The following ITPR1 variants were observed in gnomAD, a reference collection of about 807,000 sequenced individuals.
The protein encoded by ITPR1 is inositol 1,4,5-trisphosphate receptor type 1.
A neutral mutation model predicts 318.4 loss-of-function variants in ITPR1; 96 were observed. The observed-to-expected ratio is 0.30, with a 90% CI of 0.26 to 0.36. The LOEUF (loss-of-function observed/expected upper bound fraction) is 0.36, where lower values mean the gene tolerates loss of function less well. Among genes scored for constraint, ITPR1 ranks in the 10% least tolerant of loss-of-function variants. The probability of loss-of-function intolerance (pLI) is 1.00; values close to 1 mark genes in which losing one functional copy is unlikely to be tolerated. For synonymous variants in ITPR1, 1,312 were observed against 1,289.9 expected, an observed-to-expected ratio of 1.02 and a Z score of -0.37; for missense variants, 2,440 against 3,460.2, an observed-to-expected ratio of 0.71 and a Z score of 7.40.
chr3:4,753,472 G>A (rs893403614), intron 44 of ITPR1, among the ~76,000 whole-genome samples: 14 of 152,170 alleles, frequency 9.2e-5, no homozygotes, highest in Admixed American at 2.6e-4. Context: ...TGCCAGGGAT[G>A]CTCTCTGTGG....
intron 45 of ITPR1, chr3:4,768,148 G>T (rs964310606): frequency 5.2e-6 from 1 of 192,516 alleles, no homozygotes; most frequent in African/African-American, 2.3e-5. Flanking sequence ...TTAGCATTAT[G>T]TTGAGCTTCT....
intron 60 of ITPR1, among the ~76,000 whole-genome samples, chr3:4,827,143 A>G (rs995333425): frequency 6.6e-6 from 1 of 152,200 alleles, no homozygotes; most frequent in African/African-American, 2.4e-5. Context: ...AAGCTCCAAA[A>G]GTACATTTTC....
chr3:4,703,492 A>T (rs1317750124), intron 36 of ITPR1, among the ~76,000 whole-genome samples: 1 of 152,142 alleles, frequency 6.6e-6, no homozygotes, highest in Non-Finnish European at 1.5e-5. Flanking sequence ...TTTTTCCTTC[A>T]TCCTGACTTT....
At chr3:4,560,508 C>A (rs1382947379) in intron 4 of ITPR1, among the ~76,000 whole-genome samples, 1 of 151,988 alleles carries the variant, frequency 6.6e-6, no homozygotes, top group Non-Finnish European at 1.5e-5. Flanking sequence ...TTTTTTCCTT[C>A]TTTCTTTAAA....
At chr3:4,783,498 G>T (rs917551841) in intron 50 of ITPR1, among the ~76,000 whole-genome samples, 1 of 152,060 alleles carries the variant, frequency 6.6e-6, no homozygotes, top group South Asian at 2.1e-4. Context: ...ATCTGCCACC[G>T]AGAAGGTTTC....
intron 33 of ITPR1, 34 bp from the exon 34 acceptor site, chr3:4,697,113 T>A: frequency 6.2e-7 from 1 of 1,605,134 alleles, no homozygotes; most frequent in Middle Eastern, 1.7e-4. Flanking sequence ...CACACCAAGA[T>A]GGTTTTTCAG....
intron 4 of ITPR1, among the ~76,000 whole-genome samples, chr3:4,522,583 C>A (rs986003067): frequency 2.0e-5 from 3 of 152,130 alleles, no homozygotes; most frequent in African/African-American, 7.2e-5. Context: ...AAGAGGAACC[C>A]AAGGCGGCTA....
chr3:4,531,827 T>C (rs900920779), intron 4 of ITPR1, among the ~76,000 whole-genome samples: 1 of 152,144 alleles, frequency 6.6e-6, no homozygotes, highest in Non-Finnish European at 1.5e-5. Flanking sequence ...TACTGAACCT[T>C]TGTGTGCAGG....
At chr3:4,617,818 T>C (rs1234894327) in intron 4 of ITPR1, among the ~76,000 whole-genome samples, 1 of 129,874 alleles carries the variant, frequency 7.7e-6, no homozygotes, top group Non-Finnish European at 1.6e-5. Flanking sequence ...ACCTTATTTC[T>C]ATTAAAAAAT....
intron 52 of ITPR1, among the ~76,000 whole-genome samples, chr3:4,793,420 A>G (rs2047696467): frequency 6.6e-6 from 1 of 152,204 alleles, no homozygotes; most frequent in Non-Finnish European, 1.5e-5. Context: ...AGGATATTTC[A>G]GATTCCCACA....
chr3:4,730,228 A>C (rs1575044119), intron 42 of ITPR1, among the ~76,000 whole-genome samples: 1 of 147,658 alleles, frequency 6.8e-6, no homozygotes, highest in Non-Finnish European at 1.5e-5. Flanking sequence ...AAAAAAAAAA[A>C]AACAAAAAAA....
intron 5 of ITPR1, among the ~76,000 whole-genome samples, chr3:4,629,986 A>G (rs945058621): frequency 5.3e-5 from 8 of 152,206 alleles, no homozygotes; most frequent in African/African-American, 1.9e-4. Flanking sequence ...GACATCCTCA[A>G]TCCCAACAAA....
chr3:4,816,854 T>A (rs2049335603), intron 59 of ITPR1, among the ~76,000 whole-genome samples: 1 of 152,248 alleles, frequency 6.6e-6, no homozygotes, highest in Admixed American at 6.5e-5. Flanking sequence ...AACTCTATTA[T>A]GATGATGGTT....
At chr3:4,683,889 A>G in intron 28 of ITPR1, 91 bp downstream of exon 28, 1 of 1,164,002 alleles carries the variant, frequency 8.6e-7, no homozygotes, top group Non-Finnish European at 1.2e-6. Flanking sequence ...TATAAATGTG[A>G]TAGGATTTAT....
chr3:4,691,097 C>T (rs1379531510), intron 31 of ITPR1, 47 bp from the exon 32 acceptor site: 14 of 1,348,446 alleles, frequency 1.0e-5, no homozygotes, highest in Non-Finnish European at 1.4e-5. Context: ...TCTGTTCTGT[C>T]AGCTTTTTGA....
At chr3:4,577,350 C>A (rs960944972) in intron 4 of ITPR1, among the ~76,000 whole-genome samples, 1 of 152,196 alleles carries the variant, frequency 6.6e-6, no homozygotes, top group African/African-American at 2.4e-5. Context: ...AGGCCATCAC[C>A]CAGGGCTCTT....
chr3:4,790,444 G>A (rs1466609491), intron 52 of ITPR1, among the ~76,000 whole-genome samples: 2 of 152,126 alleles, frequency 1.3e-5, no homozygotes, highest in African/African-American at 4.8e-5. Flanking sequence ...TGAAACTTAA[G>A]CACAACTGCA....
chr3:4,717,741 C>T (rs2041875939), intron 40 of ITPR1, among the ~76,000 whole-genome samples: 1 of 152,232 alleles, frequency 6.6e-6, no homozygotes, highest in South Asian at 2.1e-4. Context: ...GCCTAAAGAA[C>T]TTCTCTATCT....
intron 57 of ITPR1, 129 bp downstream of exon 57, chr3:4,813,363 G>T: frequency 1.6e-6 from 1 of 623,340 alleles, no homozygotes; most frequent in Non-Finnish European, 2.8e-6. Flanking sequence ...GGGAAAGGCT[G>T]AGAAAGAGGA....
Sources: gnomAD v4.1 joint callset for allele counts (sites outside exome capture counted in the v4.1 genomes callset) on GRCh38, gnomAD v4.1.1 for gene constraint, MANE v1.5 for transcripts, NCBI Gene and HGNC (gene_info 2026-07-23, HGNC 2026-07-21) for gene names.